Variants in TCP11L1 observed in about 807,000 individuals in gnomAD.
TCP11L1 encodes t-complex 11 like 1.
In TCP11L1, 28 loss-of-function variants were observed where a neutral mutation model predicts 48.9. The observed-to-expected ratio is 0.57, with a 90% CI of 0.42 to 0.78. TCP11L1 has a LOEUF of 0.78. TCP11L1 is among the 30% of genes least tolerant of loss of function. TCP11L1 has a pLI of 0.00. For synonymous variants in TCP11L1, 204 were observed against 231.9 expected (o/e 0.88, Z 1.09); for missense variants, 505 against 613.4 (o/e 0.82, Z 1.87).
At chr11:33,048,744 G>A (rs984496557) in intron 2 of TCP11L1, among the ~76,000 whole-genome samples, 7 of 152,190 alleles carry the variant, frequency 4.6e-5, no homozygotes, top group South Asian at 2.1e-4. Flanking sequence ...AAATTCGGAG[G>A]ATTCTTATAT....
chr11:33,060,729 T>A (rs933454929), intron 6 of TCP11L1, among the ~76,000 whole-genome samples: 3 of 152,172 alleles, frequency 2.0e-5, no homozygotes, highest in African/African-American at 7.2e-5. Context: ...GGAAGCCAGA[T>A]TGATACAAGG....
At chr11:33,043,015 G>A (rs1853884430) in intron 1 of TCP11L1, among the ~76,000 whole-genome samples, 1 of 152,248 alleles carries the variant, frequency 6.6e-6, no homozygotes, top group Admixed American at 6.5e-5. Flanking sequence ...GCAGTAAACT[G>A]AGATCGCACC....
chr11:33,041,640 A>T lies in TCP11L1; in HGVS notation c.-25+1848A>T, dbSNP rs1336197219. 2.0e-5 allele frequency among the ~76,000 whole-genome samples: 3 copies of T among 152,030 alleles called. No individual in the cohort carries two copies. In the East Asian group the frequency reaches 5.8e-4, roughly 29 times the overall value. ...GTGGTGGGCGCCTATAATCCCAGCT[A>T]CTGGGGAGGCTGAGGCAGAAGAATC... On this transcript the variant is annotated intron_variant, in intron 1 of 9. Transcript: ENST00000334274.
At chr11:33,045,147 G>C (rs1853951571) in intron 2 of TCP11L1, among the ~76,000 whole-genome samples, 2 of 151,946 alleles carry the variant, frequency 1.3e-5, no homozygotes, top group South Asian at 4.1e-4. Flanking sequence ...TTGAGTCCAG[G>C]AGTTCAAGAC....
intron 2 of TCP11L1, among the ~76,000 whole-genome samples, chr11:33,051,260 C>T (rs1038812959): frequency 4.6e-5 from 7 of 151,414 alleles, no homozygotes; most frequent in East Asian, 2.0e-4. Flanking sequence ...CTTGGCCTCC[C>T]GGGTTCACGC....
intron 2 of TCP11L1, among the ~76,000 whole-genome samples, chr11:33,045,999 G>T (rs937086332): frequency 3.5e-4 from 53 of 152,366 alleles, no homozygotes; most frequent in African/African-American, 1.2e-3. Flanking sequence ...ATAGATCTAT[G>T]AGCCTAGGAG....
At chr11:33,041,765 AAC>A (rs1491443861) in intron 1 of TCP11L1, among the ~76,000 whole-genome samples, 11 of 152,136 alleles carry the variant, frequency 7.2e-5, no homozygotes, top group Admixed American at 6.5e-4. Flanking sequence ...CCAAAAAAAA[AAC>A]AAAAAAACAG....
chr11:33,047,948 G>A (rs1317797699), intron 2 of TCP11L1, among the ~76,000 whole-genome samples: 1 of 152,110 alleles, frequency 6.6e-6, no homozygotes, highest in Non-Finnish European at 1.5e-5. Context: ...GAGTGTATAG[G>A]CATCTCAGGA....
chr11:33,046,404 AT>A, intron 2 of TCP11L1, among the ~76,000 whole-genome samples: 1 of 152,392 alleles, frequency 6.6e-6, no homozygotes, highest in Middle Eastern at 3.4e-3. Flanking sequence ...ACTAAGCTAC[AT>A]TATCTGAAAT....
chr11:33,069,729 C>T (rs1201234621), intron 9 of TCP11L1, among the ~76,000 whole-genome samples: 1 of 152,112 alleles, frequency 6.6e-6, no homozygotes, highest in African/African-American at 2.4e-5. Flanking sequence ...CTTCAGACTC[C>T]CAAGTAGCTG....
intron 1 of TCP11L1, among the ~76,000 whole-genome samples, chr11:33,041,651 T>C (rs1853836362): frequency 6.6e-6 from 1 of 151,898 alleles, no homozygotes; most frequent in South Asian, 2.1e-4. Context: ...CTGGGGAGGC[T>C]GAGGCAGAAG....
intron 2 of TCP11L1, among the ~76,000 whole-genome samples, chr11:33,045,268 A>G (rs4261257): frequency 0.71 from 107,667 of 151,134 alleles, 38,500 homozygotes; most frequent in East Asian, 0.87. Context: ...CAGGAGGATC[A>G]CTTGAGCCTG....
chr11:33,053,001 A>G (rs1398536886), intron 2 of TCP11L1, among the ~76,000 whole-genome samples: 2 of 149,550 alleles, frequency 1.3e-5, no homozygotes, highest in Admixed American at 1.3e-4. Flanking sequence ...AAAAAAAAAT[A>G]GAAAAATAAA....
chr11:33,050,178 A>G (rs896343999), intron 2 of TCP11L1, among the ~76,000 whole-genome samples: 5 of 152,354 alleles, frequency 3.3e-5, no homozygotes, highest in Admixed American at 2.0e-4. Flanking sequence ...CAGATTAACA[A>G]CATCTCAAGG....
At chr11:33,057,822 G>A (rs1854352529) in intron 4 of TCP11L1, 97 bp from the exon 5 acceptor site, 1 of 996,120 alleles carries the variant, frequency 1.0e-6, no homozygotes, top group Non-Finnish European at 1.4e-6. Context: ...ATATTACGTA[G>A]CAATTGAGAA....
chr11:33,057,061 G>C, intron 3 of TCP11L1, 54 bp from the exon 4 acceptor site: 1 of 1,610,094 alleles, frequency 6.2e-7, no homozygotes, highest in Non-Finnish European at 8.5e-7. Context: ...AAAGTGATTT[G>C]AAACTCAAAT....
At chr11:33,052,878 G>A (rs564664508) in intron 2 of TCP11L1, among the ~76,000 whole-genome samples, 30 of 152,158 alleles carry the variant, frequency 2.0e-4, no homozygotes, top group African/African-American at 7.2e-4. Flanking sequence ...CTGTAGTCCT[G>A]GCTACTTGGG....
At chr11:33,051,200 C>T (rs764026879) in intron 2 of TCP11L1, among the ~76,000 whole-genome samples, 2 of 152,120 alleles carry the variant, frequency 1.3e-5, no homozygotes, top group Admixed American at 6.5e-5. Flanking sequence ...CGGAGTCTCG[C>T]TCTGTCGCCC....
At chr11:33,049,620 G>T (rs1322139531) in intron 2 of TCP11L1, among the ~76,000 whole-genome samples, 2 of 152,146 alleles carry the variant, frequency 1.3e-5, no homozygotes, top group African/African-American at 4.8e-5. Flanking sequence ...TTAAGGAAAG[G>T]TACTGTGCCT....
Sources: gnomAD v4.1 joint callset for allele counts (sites outside exome capture counted in the v4.1 genomes callset) on GRCh38, gnomAD v4.1.1 for gene constraint, MANE v1.5 for transcripts, NCBI Gene and HGNC (gene_info 2026-07-23, HGNC 2026-07-21) for gene names.